Variants in ZFPM2 observed in about 807,000 individuals in gnomAD.
The protein encoded by ZFPM2 is zinc finger protein, FOG family member 2, also known as zinc finger protein ZFPM2.
In ZFPM2, 20 loss-of-function variants were observed where a neutral mutation model predicts 98.6. The observed-to-expected ratio is 0.20, with a 90% CI of 0.14 to 0.29. The LOEUF (loss-of-function observed/expected upper bound fraction) is 0.29, where lower values mean the gene tolerates loss of function less well. Ranked by LOEUF, ZFPM2 falls within the 10% of genes least tolerant of loss-of-function variation. The pLI is 1.00. For missense variants in ZFPM2, 1,310 were observed against 1,388.6 expected, an observed-to-expected ratio of 0.94 and a Z score of 0.90; for synonymous variants, 518 against 502.7, an observed-to-expected ratio of 1.03 and a Z score of -0.41.
chr8:105,362,650 C>T (rs1810427111), intron 1 of ZFPM2, among the ~76,000 whole-genome samples: 2 of 152,114 alleles, frequency 1.3e-5, no homozygotes, highest in Admixed American at 1.3e-4. Context: ...GTTAATAAAA[C>T]ACAGTTCCTT....
At chr8:105,343,582 A>C (rs1201818194) in intron 1 of ZFPM2, among the ~76,000 whole-genome samples, 4 of 152,120 alleles carry the variant, frequency 2.6e-5, no homozygotes, top group Non-Finnish European at 5.9e-5. Context: ...TACTCACTGA[A>C]AGCACTTTTG....
intron 5 of ZFPM2, among the ~76,000 whole-genome samples, chr8:105,718,233 T>C (rs925629324): frequency 2.6e-5 from 4 of 152,000 alleles, no homozygotes; most frequent in East Asian, 3.9e-4. Flanking sequence ...CTGGCTCTTA[T>C]ATCAAATGGG....
In ZFPM2 at chr8:105,691,495, G is replaced by A. The variant is rs1290385954; in HGVS notation, c.532+57138G>A. On this transcript the variant is annotated intron_variant, in intron 5 of 7. Transcript: ENST00000407775. ...GATCTCCTGACCTCATGATCCACCC[G>A]CCTCGGCCTCCCAAAGTGCTGGGAT... Among the ~76,000 whole-genome samples the A allele has an allele frequency of 2.3e-4, 28 of 121,890 alleles. 3 individuals carry two copies. Among genetic ancestry groups the A allele is most frequent in the South Asian group, 1.6e-3 (6 of 3,770 alleles). The allele number at this position is 121,890 out of a possible 152,430, so 80.0% of individuals were successfully genotyped here. A position where few individuals can be genotyped will look rare whatever the true frequency, so the allele number is the denominator to read the frequency against.
intron 5 of ZFPM2, among the ~76,000 whole-genome samples, chr8:105,682,104 A>G (rs1271165481): frequency 6.6e-6 from 1 of 152,240 alleles, no homozygotes; most frequent in Admixed American, 6.5e-5. Context: ...TTATAAGGGA[A>G]TAATTAAAGC....
chr8:105,512,406 G>C (rs1318052301), intron 3 of ZFPM2, among the ~76,000 whole-genome samples: 1 of 152,112 alleles, frequency 6.6e-6, no homozygotes, highest in African/African-American at 2.4e-5. Context: ...AGGATTGAAC[G>C]CTGTATTCTT....
chr8:105,647,744 A>G (rs373682262), intron 5 of ZFPM2, among the ~76,000 whole-genome samples: 1 of 152,150 alleles, frequency 6.6e-6, no homozygotes, highest in Non-Finnish European at 1.5e-5. Flanking sequence ...TCCATGGTGT[A>G]TATGTGCCAC....
At chr8:105,663,027 G>C (rs1021317617) in intron 5 of ZFPM2, 1 of 152,182 alleles carries the variant, frequency 6.6e-6, no homozygotes, top group African/African-American at 2.4e-5. Context: ...ATTGTTGCCT[G>C]TCAAGGTTGT....
At chr8:105,669,686 T>C (rs1478409821) in intron 5 of ZFPM2, among the ~76,000 whole-genome samples, 1 of 152,088 alleles carries the variant, frequency 6.6e-6, no homozygotes, top group East Asian at 1.9e-4. Flanking sequence ...AATCCTCTTA[T>C]GATCCTTCAG....
intron 4 of ZFPM2, among the ~76,000 whole-genome samples, chr8:105,578,048 G>T (rs1815506305): frequency 6.6e-6 from 1 of 152,030 alleles, no homozygotes; most frequent in African/African-American, 2.4e-5. Flanking sequence ...TGGTAATAAT[G>T]TTATCATTAC....
chr8:105,598,775 T>C (rs1165737971), intron 4 of ZFPM2, among the ~76,000 whole-genome samples: 2 of 152,166 alleles, frequency 1.3e-5, no homozygotes, highest in East Asian at 3.9e-4. Context: ...AAACTCTTTA[T>C]GTGTGAAACC....
intron 4 of ZFPM2, among the ~76,000 whole-genome samples, chr8:105,563,924 A>T (rs2130705011): frequency 6.6e-6 from 1 of 152,224 alleles, no homozygotes; most frequent in East Asian, 1.9e-4. Context: ...TATTAAAAGG[A>T]TATATTTACT....
At position 105,453,812 on chromosome 8, in the gene ZFPM2, A is replaced by T. The variant is rs553440221; in HGVS notation, c.301+9431A>T. The stretch of plus-strand genomic sequence containing the variant: ...GTAATTTTTTTTATTTTTAGTAGTG[A>T]TGGGGTTTCACCATGTCAGCCAGGC... On this transcript the variant is annotated intron_variant, in intron 3 of 7. Coordinates refer to ENST00000407775, the MANE Select transcript of ZFPM2 (RefSeq NM_012082.4). 4.6e-5 allele frequency among the ~76,000 whole-genome samples: 7 copies of T among 151,794 alleles called. No homozygotes were observed. In the East Asian group the frequency reaches 1.2e-3, roughly 25 times the overall value.
intron 5 of ZFPM2, among the ~76,000 whole-genome samples, chr8:105,720,032 G>GA (rs1226335864): frequency 4.0e-5 from 6 of 151,850 alleles, no homozygotes; most frequent in Admixed American, 6.6e-5. Flanking sequence ...TTAACTGGCA[G>GA]AAAAAACTTC....
chr8:105,491,043 T>C (rs1339604099), intron 3 of ZFPM2, among the ~76,000 whole-genome samples: 1 of 152,160 alleles, frequency 6.6e-6, no homozygotes, highest in Non-Finnish European at 1.5e-5. Flanking sequence ...TAGAAATATT[T>C]GGTTTTTTAA....
intron 3 of ZFPM2, among the ~76,000 whole-genome samples, chr8:105,507,082 G>C (rs1384992939): frequency 6.6e-6 from 1 of 152,076 alleles, no homozygotes; most frequent in African/African-American, 2.4e-5. Context: ...GGATCTAGGA[G>C]TGTCAGACCA....
At chr8:105,496,247 A>G (rs73304109) in intron 3 of ZFPM2, among the ~76,000 whole-genome samples, 73 of 152,224 alleles carry the variant, frequency 4.8e-4, no homozygotes, top group African/African-American at 1.7e-3. Context: ...CCTGAGCTCA[A>G]GCAATTCCCG....
intron 3 of ZFPM2, among the ~76,000 whole-genome samples, chr8:105,462,011 A>C (rs534883757): frequency 1.6e-4 from 25 of 152,280 alleles, no homozygotes; most frequent in African/African-American, 5.8e-4. Context: ...CCCCTACCTA[A>C]TTGGAGTTCT....
chr8:105,330,553 CATAT>C (rs61051244), intron 1 of ZFPM2, among the ~76,000 whole-genome samples: 6 of 92,410 alleles, frequency 6.5e-5, no homozygotes, highest in African/African-American at 1.1e-4. Flanking sequence ...TATATATATA[CATAT>C]ATATATATAT....
chr8:105,418,088 T>TTTA (rs1811714170), intron 1 of ZFPM2, among the ~76,000 whole-genome samples: 1 of 152,176 alleles, frequency 6.6e-6, no homozygotes, highest in African/African-American at 2.4e-5. Context: ...GTATATGCAC[T>TTTA]ATTTTAAATT....
Sources: gnomAD v4.1 joint callset for allele counts (sites outside exome capture counted in the v4.1 genomes callset) on GRCh38, gnomAD v4.1.1 for gene constraint, MANE v1.5 for transcripts, NCBI Gene and HGNC (gene_info 2026-07-23, HGNC 2026-07-21) for gene names.